Variants in PCDH17 observed in about 807,000 individuals in gnomAD.
The protein encoded by PCDH17 is protocadherin 17, also known as protocadherin-17.
A neutral mutation model predicts 67.7 loss-of-function variants in PCDH17; 21 were observed. The ratio of observed to expected loss-of-function variants is 0.31; its 90% confidence interval spans 0.22 to 0.45. The LOEUF (loss-of-function observed/expected upper bound fraction) is 0.45. PCDH17 is among the 20% of genes least tolerant of loss of function. The pLI, the probability that PCDH17 is intolerant of heterozygous loss-of-function variation, is 1.00. For synonymous variants in PCDH17, 701 were observed against 656.7 expected (o/e 1.07, Z -1.03); for missense variants, 1,471 against 1,564.8 (o/e 0.94, Z 1.01).
At chr13:57,635,575 A>G (rs1219689931) in intron 1 of PCDH17, among the ~76,000 whole-genome samples, 1 of 152,226 alleles carries the variant, frequency 6.6e-6, no homozygotes, top group African/African-American at 2.4e-5. Context: ...TAAGTACAGA[A>G]TAACAACCAG....
intron 3 of PCDH17, among the ~76,000 whole-genome samples, chr13:57,705,842 C>G (rs1007311732): frequency 6.6e-6 from 1 of 151,816 alleles, no homozygotes; most frequent in African/African-American, 2.4e-5. Context: ...ATGGAGAAAC[C>G]CTGTCTCTAC....
intron 3 of PCDH17, among the ~76,000 whole-genome samples, chr13:57,667,957 T>C (rs1238074676): frequency 6.7e-6 from 1 of 150,218 alleles, no homozygotes; most frequent in Non-Finnish European, 1.5e-5. Flanking sequence ...GGAATAAATA[T>C]AATTATGCTG....
chr13:57,721,534 C>T (rs1020629128), intron 3 of PCDH17, among the ~76,000 whole-genome samples: 3 of 151,994 alleles, frequency 2.0e-5, no homozygotes, highest in Non-Finnish European at 4.4e-5. Context: ...TAAGTAAATA[C>T]TCTTCAATGT....
intron 3 of PCDH17, among the ~76,000 whole-genome samples, chr13:57,716,594 G>A (rs767242794): frequency 1.3e-5 from 2 of 151,732 alleles, no homozygotes; most frequent in African/African-American, 2.4e-5. Flanking sequence ...TACAACCTAC[G>A]CTTTTCTCTG....
At chr13:57,679,140 G>T (rs1221378665) in intron 3 of PCDH17, among the ~76,000 whole-genome samples, 1 of 150,950 alleles carries the variant, frequency 6.6e-6, no homozygotes, top group African/African-American at 2.4e-5. Flanking sequence ...TTCAAGATAT[G>T]GATTTTTTTA....
chr13:57,686,116 A>G (rs1955504978), intron 3 of PCDH17, among the ~76,000 whole-genome samples: 2 of 151,846 alleles, frequency 1.3e-5, no homozygotes, highest in African/African-American at 2.4e-5. Context: ...GAATTGAGCT[A>G]GTAATAATGT....
chr13:57,724,884 G>A lies in PCDH17; in HGVS notation c.3070G>A (p.Ala1024Thr), dbSNP rs1801379250. ...TAAACCTTATTTAAAAGCCAAACGTGCCCTGAGCCCTCTCCTCCAAGAGGT... is the reference window on the plus strand; with the variant it reads ...TAAACCTTATTTAAAAGCCAAACGTACCCTGAGCCCTCTCCTCCAAGAGGT... ...NVKPYLKAKR[A>T]LSPLLQEVPS... Residue 1024 changes from alanine to threonine, a missense_variant, in exon 4 of 4, where the codon GCC (alanine) becomes ACC (threonine). Physicochemically the swap from Ala to Thr is moderately conservative, Grantham distance 58 (BLOSUM62 0). Transcript: ENST00000377918. 1 of 1,614,168 alleles carries A rather than the reference G, an allele frequency of 6.2e-7. No individual in the cohort carries two copies. Among genetic ancestry groups the A allele is most frequent in the South Asian group, 1.1e-5 (1 of 91,086 alleles).
chr13:57,713,289 A>G (rs1021781349), intron 3 of PCDH17, among the ~76,000 whole-genome samples: 11 of 151,720 alleles, frequency 7.3e-5, no homozygotes, highest in African/African-American at 2.4e-4. Context: ...ACTTTAGAAC[A>G]CGGATATTGA....
At chr13:57,688,653 T>C (rs994235097) in intron 3 of PCDH17, among the ~76,000 whole-genome samples, 4 of 152,098 alleles carry the variant, frequency 2.6e-5, no homozygotes, top group Admixed American at 6.6e-5. Context: ...GACTGTATCA[T>C]CAAATGCATA....
At chr13:57,665,798 G>A (rs1012336273) in intron 1 of PCDH17, among the ~76,000 whole-genome samples, 7 of 152,070 alleles carry the variant, frequency 4.6e-5, no homozygotes, top group Admixed American at 6.6e-5. Context: ...TTATGCTCAC[G>A]TTTTAAGTAA....
chr13:57,687,390 T>C (rs1445927866), intron 3 of PCDH17, among the ~76,000 whole-genome samples: 2 of 151,874 alleles, frequency 1.3e-5, no homozygotes, highest in Non-Finnish European at 2.9e-5. Context: ...TCAATGGAGG[T>C]TCTTAGAATG....
rs575424831 is a variant in PCDH17, at chr13:57,664,087, A to G, written c.2566-2381A>G. Among the ~76,000 whole-genome samples the G allele has an allele frequency of 2.6e-5, 4 of 151,908 alleles. No homozygotes were observed. In the East Asian group the frequency reaches 7.8e-4, roughly 30 times the overall value. ...GGCTAATTTTATTACTATTTTTATC[A>G]AGATGGGGTCTCAATACATTGACAG... is the stretch of plus-strand genomic sequence containing the variant. On this transcript the variant is annotated intron_variant, in intron 1 of 3. Transcript: ENST00000377918.
rs144205428 is a variant in PCDH17, at chr13:57,699,494, A to G, written c.2798-25118A>G. Among the ~76,000 whole-genome samples the G allele has an allele frequency of 3.3e-3, 501 of 152,154 alleles. 1 individual carries two copies. Among genetic ancestry groups the G allele is most frequent in the African/African-American group, 0.011 (476 of 41,556 alleles). ...TGATTTATTTGCACAGTCTCTTTGCATACTTGCATTTTCATTCTGGATCCT... is the reference window on the plus strand; with the variant it reads ...TGATTTATTTGCACAGTCTCTTTGCGTACTTGCATTTTCATTCTGGATCCT... On this transcript the variant is annotated intron_variant, in intron 3 of 3. Coordinates refer to ENST00000377918, the MANE Select transcript of PCDH17 (RefSeq NM_001040429.3).
intron 1 of PCDH17, among the ~76,000 whole-genome samples, chr13:57,648,236 T>C (rs1329082032): frequency 2.6e-5 from 4 of 151,950 alleles, no homozygotes; most frequent in African/African-American, 9.6e-5. Context: ...AATTGGAAAG[T>C]GGAGATACCT....
intron 3 of PCDH17, among the ~76,000 whole-genome samples, chr13:57,722,362 A>AT (rs1955878294): frequency 6.6e-6 from 1 of 152,192 alleles, no homozygotes; most frequent in Non-Finnish European, 1.5e-5. Context: ...TTATAAATGA[A>AT]TTTTTTAAAA....
At chr13:57,678,015 A>G (rs1244584091) in intron 3 of PCDH17, among the ~76,000 whole-genome samples, 1 of 151,732 alleles carries the variant, frequency 6.6e-6, no homozygotes, top group Non-Finnish European at 1.5e-5. Flanking sequence ...GTTAAAGATG[A>G]TATGTTGTTT....
chr13:57,660,689 C>G (rs1955171872), intron 1 of PCDH17, among the ~76,000 whole-genome samples: 1 of 152,140 alleles, frequency 6.6e-6, no homozygotes, highest in South Asian at 2.1e-4. Flanking sequence ...ATCATACTTT[C>G]CCTCACCTTT....
intron 3 of PCDH17, among the ~76,000 whole-genome samples, chr13:57,672,571 C>T (rs1296859576): frequency 6.6e-6 from 1 of 152,076 alleles, no homozygotes; most frequent in African/African-American, 2.4e-5. Flanking sequence ...AGTTGAGGCT[C>T]GTGCCCACCT....
chr13:57,669,968 C>A (rs1158368394), intron 3 of PCDH17, among the ~76,000 whole-genome samples: 1 of 151,966 alleles, frequency 6.6e-6, no homozygotes, highest in Non-Finnish European at 1.5e-5. Context: ...AAACATATTA[C>A]CCTATTTAAT....
Sources: allele counts gnomAD v4.1 joint callset (sites outside exome capture counted in the v4.1 genomes callset), GRCh38; gene constraint gnomAD v4.1.1; transcripts MANE v1.5; gene names NCBI Gene and HGNC (gene_info 2026-07-23, HGNC 2026-07-21).